Variants in CBR4 observed in about 807,000 individuals in gnomAD.
CBR4 encodes the protein carbonyl reductase 4.
In CBR4, 22 loss-of-function variants were observed where a neutral mutation model predicts 21.0. The observed-to-expected ratio is 1.05, with a 90% confidence interval of 0.75 to 1.50. The LOEUF is 1.50. Ranked by LOEUF, CBR4 falls within the 40% of genes most tolerant of loss-of-function variation. The pLI is 0.00. For missense variants in CBR4, 302 were observed against 286.3 expected (o/e 1.05, Z -0.40); for synonymous variants, 100 against 104.4 (o/e 0.96, Z 0.26).
intron 4 of CBR4, among the ~76,000 whole-genome samples, chr4:168,995,631 ACT>A (rs1451976819): frequency 1.5e-4 from 23 of 151,820 alleles, no homozygotes; most frequent in Non-Finnish European, 3.2e-4. Flanking sequence ...CATTTGTAAA[ACT>A]CTGGAAATTT....
chr4:168,922,920 C>T (rs941718870), intron 2 of CBR4, among the ~76,000 whole-genome samples: 1 of 152,160 alleles, frequency 6.6e-6, no homozygotes, highest in Non-Finnish European at 1.5e-5. Context: ...GCTCCAGTCC[C>T]GGCTCTTGTC....
chr4:169,005,552 G>A (rs1476022861), intron 3 of CBR4, among the ~76,000 whole-genome samples: 1 of 152,016 alleles, frequency 6.6e-6, no homozygotes, highest in Non-Finnish European at 1.5e-5. Flanking sequence ...GAGGACTAAT[G>A]GGTTTTTTAA....
At chr4:168,932,808 A>G (rs1763006309) in intron 2 of CBR4, among the ~76,000 whole-genome samples, 1 of 152,194 alleles carries the variant, frequency 6.6e-6, no homozygotes, top group Non-Finnish European at 1.5e-5. Context: ...GCCAGTAAAG[A>G]ATATTGCTTT....
intron 2 of CBR4, chr4:168,928,213 A>T (rs1762797049): frequency 5.4e-6 from 1 of 185,552 alleles, no homozygotes; most frequent in Non-Finnish European, 1.1e-5. Flanking sequence ...TCTCTATTGT[A>T]GAATTATGAC....
chr4:168,988,858 A>T lies in CBR4; in HGVS notation c.*1292T>A. 1 of 959,828 alleles carries T rather than the reference A, an allele frequency of 1.0e-6. No homozygotes were observed. The highest frequency in any genetic ancestry group is 1.2e-6 in the Non-Finnish European group (1 of 806,620). The allele number at this position is 959,828 out of a possible 1,614,324, so 59.5% of individuals were successfully genotyped here. The stretch of plus-strand genomic sequence containing the variant: ...TACTTTGTATTTATTAGTATATCCT[A>T]TTCATAATTTTGCACTGACTTTCAA... On this transcript the variant is annotated 3_prime_UTR_variant, in exon 5 of 5. Transcript: ENST00000306193.
intron 2 of CBR4, among the ~76,000 whole-genome samples, chr4:168,966,502 G>C (rs1162180320): frequency 6.6e-6 from 1 of 151,800 alleles, no homozygotes; most frequent in African/African-American, 2.4e-5. Context: ...CTTTCAGCCT[G>C]GACGACAGAG....
At chr4:168,948,475 C>T (rs1038322083) in intron 2 of CBR4, among the ~76,000 whole-genome samples, 1 of 152,146 alleles carries the variant, frequency 6.6e-6, no homozygotes, top group African/African-American at 2.4e-5. Context: ...CCAATGTTAT[C>T]TTCTAGAATT....
intron 2 of CBR4, chr4:168,927,094 T>C (rs936039092): frequency 9.0e-6 from 2 of 223,046 alleles, no homozygotes; most frequent in East Asian, 6.6e-5. Context: ...ATAAATAATA[T>C]AAAGTGCTCT....
intron 2 of CBR4, among the ~76,000 whole-genome samples, chr4:168,908,177 T>G (rs2151354865): frequency 6.6e-6 from 1 of 152,320 alleles, no homozygotes; most frequent in South Asian, 2.1e-4. Flanking sequence ...CCCCTTCTTT[T>G]CTGTCTTGGG....
chr4:168,941,398 T>C (rs1055462292), intron 2 of CBR4, among the ~76,000 whole-genome samples: 3 of 152,168 alleles, frequency 2.0e-5, no homozygotes, highest in Admixed American at 6.6e-5. Context: ...TGGTTCAGTA[T>C]ATGCAAATCA....
intron 2 of CBR4, chr4:168,898,472 C>T: frequency 6.5e-7 from 1 of 1,548,322 alleles, no homozygotes; most frequent in South Asian, 1.1e-5. Context: ...AGTCTGCTAA[C>T]TTAAACTTTC....
At chr4:168,904,027 T>A (rs1757102544) in intron 2 of CBR4, 2 of 1,013,218 alleles carry the variant, frequency 2.0e-6, no homozygotes, top group Admixed American at 3.7e-5. Context: ...AAACTATTTT[T>A]CCAAATTCTA....
At chr4:168,987,563 G>T, downstream of CBR4, 2 of 778,468 alleles carry the variant, frequency 2.6e-6, no homozygotes, top group African/African-American at 3.8e-5. Context: ...TATAGTTGCA[G>T]AGAAAGATAA....
At chr4:169,006,473 A>C (rs1730920901) in intron 3 of CBR4, among the ~76,000 whole-genome samples, 1 of 152,226 alleles carries the variant, frequency 6.6e-6, no homozygotes, top group South Asian at 2.1e-4. Context: ...CCACCATTCC[A>C]TATGGGCTCT....
intron 2 of CBR4, among the ~76,000 whole-genome samples, chr4:168,957,824 T>C (rs1015233102): frequency 1.3e-5 from 2 of 152,118 alleles, no homozygotes; most frequent in Non-Finnish European, 2.9e-5. Flanking sequence ...TGGGAGGTAA[T>C]TGAATCATGG....
In CBR4 at chr4:169,010,215, A is replaced by G. The variant is rs1731319884; in HGVS notation, c.-126T>C. 2.3e-6 allele frequency: 2 copies of G among 861,140 alleles called. No individual in the cohort carries two copies. The highest frequency in any genetic ancestry group is 6.6e-5 in the Admixed American group (2 of 30,486). The allele number at this position is 861,140 out of a possible 1,614,324, so 53.3% of individuals were successfully genotyped here. The stretch of plus-strand genomic sequence containing the variant: ...GAAAAAAAAAGGCAAACCGCAAAAA[A>G]AAATAACGCCGCTCGACACCTCCTG... On this transcript the variant is annotated 5_prime_UTR_variant, in exon 1 of 5. Coordinates refer to ENST00000306193, the MANE Select transcript of CBR4 (RefSeq NM_032783.5).
intron 2 of CBR4, among the ~76,000 whole-genome samples, chr4:168,952,630 C>T (rs935791036): frequency 6.6e-6 from 1 of 152,144 alleles, no homozygotes; most frequent in East Asian, 1.9e-4. Context: ...AGCACTCTCC[C>T]CTTTTTCCTA....
At chr4:169,005,130 A>C (rs1385438323) in intron 3 of CBR4, 1 of 152,220 alleles carries the variant, frequency 6.6e-6, no homozygotes, top group Admixed American at 6.5e-5. Context: ...TGTGAAGTAC[A>C]CAGAGAGAAC....
At chr4:168,908,423 G>A (rs774487092) in intron 2 of CBR4, among the ~76,000 whole-genome samples, 34 of 151,926 alleles carry the variant, frequency 2.2e-4, no homozygotes, top group Non-Finnish European at 4.1e-4. Context: ...ATCTATTACC[G>A]TATATTAAAA....
Sources: gnomAD v4.1 joint callset for allele counts (sites outside exome capture counted in the v4.1 genomes callset) on GRCh38, gnomAD v4.1.1 for gene constraint, MANE v1.5 for transcripts, NCBI Gene and HGNC (gene_info 2026-07-23, HGNC 2026-07-21) for gene names.